The following PIGQ variants were observed in gnomAD, a reference collection of about 807,000 sequenced individuals.
The protein encoded by PIGQ is phosphatidylinositol glycan anchor biosynthesis class Q, also known as phosphatidylinositol N-acetylglucosaminyltransferase subunit Q.
PIGQ carries 54 observed loss-of-function variants against 60.3 expected under a neutral mutation model. The observed-to-expected ratio is 0.90, with a 90% CI of 0.72 to 1.12. The LOEUF (loss-of-function observed/expected upper bound fraction) is 1.12, where lower values mean the gene tolerates loss of function less well. Among genes scored for constraint, PIGQ ranks in the 50% most tolerant of loss-of-function variants. The probability of loss-of-function intolerance (pLI) is 0.00; values close to 1 mark genes in which losing one functional copy is unlikely to be tolerated. For missense variants in PIGQ, 799 were observed against 793.5 expected, an observed-to-expected ratio of 1.01 and a Z score of -0.08; for synonymous variants, 416 against 363.7, an observed-to-expected ratio of 1.14 and a Z score of -1.64.
At chr16:572,092 C>T (rs752712661) in intron 1 of PIGQ, among the ~76,000 whole-genome samples, 43 of 152,144 alleles carry the variant, frequency 2.8e-4, no homozygotes, top group Non-Finnish European at 4.6e-4. Context: ...TTTCCTTAGT[C>T]CCTGTGAAAG....
chr16:582,731 C>A, intron 10 of PIGQ, 152 bp from the exon 11 acceptor site: 1 of 852,486 alleles, frequency 1.2e-6, no homozygotes, highest in Non-Finnish European at 1.8e-6. Context: ...GGCTCACTTG[C>A]CTCCTTGGGA....
intron 7 of PIGQ, chr16:579,972 C>T (rs571013608): frequency 1.2e-4 from 54 of 464,612 alleles, no homozygotes; most frequent in African/African-American, 1.1e-3. Flanking sequence ...GTGGTCTGGC[C>T]CCCACCTGTC....
chr16:580,233 C>G lies in PIGQ; in HGVS notation c.1386C>G (p.Thr462=), dbSNP rs2035790290. Residue 462 remains threonine (T), a synonymous_variant, in exon 8 of 11, where the codon ACC becomes ACG. Coordinates refer to ENST00000321878, the MANE Select transcript of PIGQ (RefSeq NM_004204.5). ...CCATCCTGCTCTTCCTCCTGCCTAC[C>G]ACAGCCCTGTACTACCTGGTGTTCA... ...LFTILLFLLP[T]TALYYLVFTL... 2 of 1,612,730 alleles carry G rather than the reference C, an allele frequency of 1.2e-6. No homozygotes were observed. Among genetic ancestry groups the G allele is most frequent in the African/African-American group, 2.7e-5 (2 of 74,934 alleles).
intron 4 of PIGQ, chr16:576,704 G>A (rs1346566548): frequency 2.4e-6 from 1 of 416,150 alleles, no homozygotes; most frequent in Non-Finnish European, 4.2e-6. Flanking sequence ...TAACTCCTGT[G>A]CTGAGAGCCA....
At chr16:580,811 C>T in intron 8 of PIGQ, 47 bp from the exon 9 acceptor site, 2 of 868,578 alleles carry the variant, frequency 2.3e-6, no homozygotes, top group Non-Finnish European at 2.0e-6. Flanking sequence ...CTGCTCTGCC[C>T]CCAGGCGCGT....
At position 574,345 on chromosome 16, in the gene PIGQ, G is replaced by C. The variant is rs750533490; in HGVS notation, c.271G>C (p.Glu91Gln). 17 of 1,609,278 alleles carry C rather than the reference G, an allele frequency of 1.1e-5. No homozygotes were observed. In the South Asian group the frequency reaches 1.9e-4, roughly 18 times the overall value. ...GAGCCTGGGTGCTGTCTTCCCCCAT[G>C]AGCCCTGGCTGCGGCTGTGCCGGGA... is the stretch of plus-strand genomic sequence containing the variant. ...LESLGAVFPHEPWLRLCRERG... is the reference protein window; with the variant it reads ...LESLGAVFPHQPWLRLCRERG... Residue 91 changes from glutamate to glutamine, a missense_variant, in exon 2 of 11, where the codon GAG becomes CAG. Transcript: ENST00000321878.
At chr16:576,411 C>T (rs1170358828) in intron 4 of PIGQ, 157 bp downstream of exon 4, 7 of 898,146 alleles carry the variant, frequency 7.8e-6, no homozygotes, top group Non-Finnish European at 1.2e-5. Context: ...GAAGCAGGAA[C>T]TCCAGGGGCG....
In PIGQ at chr16:575,823, C is replaced by T. The variant is rs2035706592; in HGVS notation, c.690-16C>T. The T allele has an allele frequency of 3.9e-6, 6 of 1,554,340 alleles. No homozygotes were observed. Among genetic ancestry groups the T allele is most frequent in the African/African-American group, 1.4e-5 (1 of 73,366 alleles). On this transcript the variant is annotated splice_polypyrimidine_tract_variant and intron_variant, in intron 2 of 10. Transcript: ENST00000321878. ...ATCTGGAGAGGGACACATCACTCCT[C>T]TCCACTCCCACGCAGAGTGTTCAAG...
At position 573,707 on chromosome 16, in the gene PIGQ, T is replaced by C. The variant is rs1349616636; in HGVS notation, c.-9-359T>C. 3.9e-5 allele frequency among the ~76,000 whole-genome samples: 6 copies of C among 152,276 alleles called. No individual in the cohort carries two copies. In the East Asian group the frequency reaches 1.2e-3, roughly 29 times the overall value. On this transcript the variant is annotated intron_variant, in intron 1 of 10. Coordinates refer to ENST00000321878, the MANE Select transcript of PIGQ (RefSeq NM_004204.5). Reference sequence around the variant, plus strand: ...TCAGGTTTCTTAAAACTAAGAAGCCTGGAGTTCGGTTCGGCCCCACAGCCG... The same window carrying C: ...TCAGGTTTCTTAAAACTAAGAAGCCCGGAGTTCGGTTCGGCCCCACAGCCG...
rs778851261 is a variant in PIGQ, at chr16:578,875, T to G, written c.1160T>G (p.Leu387Arg). Residue 387 changes from leucine to arginine, a missense_variant, in exon 6 of 11, where the codon CTC becomes CGC. Leu to Arg is a moderately radical substitution (Grantham distance 102, BLOSUM62 -2). Coordinates refer to ENST00000321878, the MANE Select transcript of PIGQ (RefSeq NM_004204.5). ...CTGGGCCTGACGGTGGCCCTGTCCC[T>G]CCTCTCGGACATTATCGCCCTCCTC... ...ACLGLTVALS[L>R]LSDIIALLTF... 6.2e-7 allele frequency: 1 copy of G among 1,613,792 alleles called. No homozygotes were observed. Among genetic ancestry groups the G allele is most frequent in the South Asian group, 1.1e-5 (1 of 91,090 alleles).
At chr16:570,134 G>A (rs1384938805) in intron 1 of PIGQ, 38 bp downstream of exon 1, 1 of 151,176 alleles carries the variant, frequency 6.6e-6, no homozygotes. Context: ...GCGGGACCTC[G>A]GGCAGCGCCC....
rs1384811031 is a variant in PIGQ at position 578,794 on chromosome 16, A to C, written c.1079A>C (p.His360Pro). 6.2e-7 allele frequency: 1 copy of C among 1,613,246 alleles called. No individual in the cohort carries two copies. The highest frequency in any genetic ancestry group is 1.1e-5 in the South Asian group (1 of 91,074). The change falls in exon 6 of 11, where the codon CAC (histidine) becomes CCC (proline). Residue 360 changes from histidine (H) to proline (P), a missense_variant. By Grantham distance (77) the His-to-Pro change is moderately conservative (BLOSUM62 -2). Coordinates refer to ENST00000321878, the MANE Select transcript of PIGQ (RefSeq NM_004204.5). ...YHIHLWISYI[H>P]LMSPFVEHIL... The stretch of plus-strand genomic sequence containing the variant: ...TACCCCACCCTGCCAGGCTACATCC[A>C]CCTCATGTCCCCCTTCGTGGAGCAC...
chr16:582,121 A>G (rs2151049721), intron 9 of PIGQ, 127 bp from the exon 10 acceptor site: 1 of 738,184 alleles, frequency 1.4e-6, no homozygotes, highest in Non-Finnish European at 2.4e-6. Context: ...GGGCGGGGAG[A>G]GCTTCGTGGG....
intron 5 of PIGQ, 107 bp from the exon 6 acceptor site, chr16:578,678 C>A: frequency 6.8e-7 from 1 of 1,469,166 alleles, no homozygotes; most frequent in Non-Finnish European, 9.4e-7. Context: ...GAGGGCTGAC[C>A]CCACCCTGCC....
rs1355670449 is a variant in PIGQ, at chr16:572,609, C to T, written c.-9-1457C>T. On this transcript the variant is annotated intron_variant, in intron 1 of 10. Transcript: ENST00000321878. The stretch of plus-strand genomic sequence containing the variant: ...AGACCTCCAGGCATCCTGGTCTGTT[C>T]CCTCATCCCTAAGGGCGTGGTGGGC... 16 of 454,878 alleles carry T rather than the reference C, an allele frequency of 3.5e-5. No homozygotes were observed. In the Admixed American group the frequency reaches 3.8e-4, roughly 11 times the overall value. 28.2% of individuals were successfully genotyped at this position (454,878 alleles called of 1,614,324 possible).
rs775356112 is a variant in PIGQ, at chr16:581,204, G to A, written c.1531+232G>A. 43 of 1,428,902 alleles carry A rather than the reference G, an allele frequency of 3.0e-5. 1 individual carries two copies. In the Admixed American group the frequency reaches 1.2e-3, roughly 39 times the overall value. 88.5% of individuals were successfully genotyped at this position (1,428,902 alleles called of 1,614,324 possible). On this transcript the variant is annotated intron_variant, in intron 9 of 10. Coordinates refer to ENST00000321878, the MANE Select transcript of PIGQ (RefSeq NM_004204.5). ...GAGACTCACCTGCCGCGCAGGTTCAGAACCCTGGAGACCTGAGGCCACAGG... is the reference window on the plus strand; with the variant it reads ...GAGACTCACCTGCCGCGCAGGTTCAAAACCCTGGAGACCTGAGGCCACAGG...
At chr16:582,465 C>T in intron 10 of PIGQ, 156 bp downstream of exon 10, 1 of 610,100 alleles carries the variant, frequency 1.6e-6, no homozygotes, top group African/African-American at 1.8e-5. Flanking sequence ...ACGCGGGACC[C>T]CCTCCCCCTT....
intron 4 of PIGQ, chr16:578,091 G>T: frequency 3.0e-6 from 1 of 333,508 alleles, no homozygotes; most frequent in Non-Finnish European, 5.6e-6. Flanking sequence ...GGTAGTGAGA[G>T]GGGAGGAAGA....
At position 582,767 on chromosome 16, in the gene PIGQ, A is replaced by G. The variant is rs3743904; in HGVS notation, c.1594-116A>G. On this transcript the variant is annotated intron_variant, in intron 10 of 10. Coordinates refer to ENST00000321878, the MANE Select transcript of PIGQ (RefSeq NM_004204.5). ...ACTGGGACTGGCTTCTCCCACAGGC[A>G]AGGGAATGTCTGAGACAGCACTGGC... 0.45 allele frequency: 518,696 copies of G among 1,142,760 alleles called. 121,820 individuals carry two copies. Among genetic ancestry groups the G allele is most frequent in the East Asian group, 0.67 (28,335 of 42,298 alleles). 70.8% of individuals were successfully genotyped at this position (1,142,760 alleles called of 1,614,324 possible). A position where few individuals can be genotyped will look rare whatever the true frequency, so the allele number is the denominator to read the frequency against.
Sources: allele counts gnomAD v4.1 joint callset (sites outside exome capture counted in the v4.1 genomes callset), GRCh38; gene constraint gnomAD v4.1.1; transcripts MANE v1.5; gene names NCBI Gene and HGNC (gene_info 2026-07-23, HGNC 2026-07-21).